Variants in AGAP1 observed in about 807,000 individuals in gnomAD.
AGAP1 encodes ArfGAP with GTPase domain, ankyrin repeat and PH domain 1.
AGAP1 carries 29 observed loss-of-function variants against 105.3 expected under a neutral mutation model. That is an observed-to-expected ratio of 0.28 (90% CI 0.21 to 0.38). The LOEUF (loss-of-function observed/expected upper bound fraction) is 0.38, where lower values mean the gene tolerates loss of function less well. Among genes scored for constraint, AGAP1 ranks in the 10% least tolerant of loss-of-function variants. The pLI, the probability that AGAP1 is intolerant of heterozygous loss-of-function variation, is 1.00. For synonymous variants in AGAP1, 509 were observed against 485.9 expected (o/e 1.05, Z -0.63); for missense variants, 998 against 1,165.1 (o/e 0.86, Z 2.09).
chr2:236,072,320 A>C (rs1329916367), intron 16 of AGAP1: 1 of 152,108 alleles, frequency 6.6e-6, no homozygotes, highest in Non-Finnish European at 1.5e-5. Flanking sequence ...GCGCGCCTGT[A>C]GTCCCAGCTA....
rs1190593066 is a variant in AGAP1, at chr2:236,119,462, C to A, written c.2115-730C>A. Among the ~76,000 whole-genome samples, 3 of 152,184 alleles carry A rather than the reference C, an allele frequency of 2.0e-5. No individual in the cohort carries two copies. Among genetic ancestry groups the A allele is most frequent in the African/African-American group, 7.2e-5 (3 of 41,452 alleles). On this transcript the variant is annotated intron_variant, in intron 16 of 17. Coordinates refer to ENST00000304032, the MANE Select transcript of AGAP1 (RefSeq NM_001037131.3). This position sits in a 1 kb window ranked among gnomAD's most constrained non-coding sequence, Gnocchi z 6.6. ...CGTGAGTCTGTTGCCATGTTTTCCTCAGCTGAAAGGGTTTGGAGACCCTGG... is the reference window on the plus strand; with the variant it reads ...CGTGAGTCTGTTGCCATGTTTTCCTAAGCTGAAAGGGTTTGGAGACCCTGG...
At position 235,741,828 on chromosome 2, in the gene AGAP1, A is replaced by G. The variant is rs1952607472; in HGVS notation, c.396+780A>G. Among the ~76,000 whole-genome samples the G allele has an allele frequency of 2.0e-5, 3 of 151,120 alleles. No individual in the cohort carries two copies. The highest frequency in any genetic ancestry group is 4.9e-5 in the African/African-American group (2 of 41,036). On this transcript the variant is annotated intron_variant, in intron 4 of 17. Transcript: ENST00000304032. The surrounding 1 kb of genome is among the most constrained non-coding windows in gnomAD (Gnocchi z 4.9). ...GAGTGCAGTGACGTGATCTCGGCTCACTACAAGCTCCACCTCCCAGGTTCA... is the reference window on the plus strand; with the variant it reads ...GAGTGCAGTGACGTGATCTCGGCTCGCTACAAGCTCCACCTCCCAGGTTCA...
At chr2:235,878,093 C>T (rs1333317590) in intron 9 of AGAP1, among the ~76,000 whole-genome samples, 1 of 152,192 alleles carries the variant, frequency 6.6e-6, no homozygotes, top group Non-Finnish European at 1.5e-5. Flanking sequence ...ACACTGCTGC[C>T]CCTCAGGGCC....
At chr2:235,924,114 C>A (rs55747393) in intron 11 of AGAP1, among the ~76,000 whole-genome samples, 1 of 151,940 alleles carries the variant, frequency 6.6e-6, no homozygotes, top group African/African-American at 2.4e-5. Flanking sequence ...CCTGTCTCAC[C>A]AGTCTGTTCA....
rs1209248972 is a variant in AGAP1 at position 235,788,029 on chromosome 2, C to T, written c.674-9730C>T. Among the ~76,000 whole-genome samples the T allele has an allele frequency of 1.3e-5, 2 of 152,204 alleles. No homozygotes were observed. ...CAAGTATTATACATTCTGGGACCTTCCTAGGCCATTGGCATCAACGCTGCA... is the reference window on the plus strand; with the variant it reads ...CAAGTATTATACATTCTGGGACCTTTCTAGGCCATTGGCATCAACGCTGCA... On this transcript the variant is annotated intron_variant, in intron 6 of 17. Coordinates refer to ENST00000304032, the MANE Select transcript of AGAP1 (RefSeq NM_001037131.3). This position sits in a 1 kb window ranked among gnomAD's most constrained non-coding sequence, Gnocchi z 6.0.
At position 236,083,874 on chromosome 2, in the gene AGAP1, C is replaced by A. The variant is rs6739183; in HGVS notation, c.2114+34593C>A. ...ATTAAATGAATCCGAGATAAATGGGCATGTGCGTGTGTATGCACACACACG... is the reference window on the plus strand; with the variant it reads ...ATTAAATGAATCCGAGATAAATGGGAATGTGCGTGTGTATGCACACACACG... On this transcript the variant is annotated intron_variant, in intron 16 of 17. Transcript: ENST00000304032. This position sits in a 1 kb window ranked among gnomAD's most constrained non-coding sequence, Gnocchi z 5.3. 0.54 allele frequency among the ~76,000 whole-genome samples: 82,833 copies of A among 151,996 alleles called. 26,474 individuals carry two copies. The highest frequency in any genetic ancestry group is 0.88 in the African/African-American group (36,697 of 41,490).
Position 235,551,920 on chromosome 2 carries a change from G to A in AGAP1, c.163+57071G>A, listed in dbSNP as rs1394703961. Among the ~76,000 whole-genome samples, 1 of 152,230 alleles carries A rather than the reference G, an allele frequency of 6.6e-6. No individual in the cohort carries two copies. The highest frequency in any genetic ancestry group is 6.5e-5 in the Admixed American group (1 of 15,284). Reference sequence around the variant, plus strand: ...CTTTCAGCTGTGAGGAGCCAGGAGGGCGATCCCAGCTTTCTCCTGGTTAAT... The same window carrying A: ...CTTTCAGCTGTGAGGAGCCAGGAGGACGATCCCAGCTTTCTCCTGGTTAAT... On this transcript the variant is annotated intron_variant, in intron 1 of 17. Coordinates refer to ENST00000304032, the MANE Select transcript of AGAP1 (RefSeq NM_001037131.3). The surrounding 1 kb of genome is among the most constrained non-coding windows in gnomAD (Gnocchi z 4.8).
At chr2:235,676,489 A>G (rs1036097198) in intron 1 of AGAP1, among the ~76,000 whole-genome samples, 6 of 152,240 alleles carry the variant, frequency 3.9e-5, no homozygotes, top group Non-Finnish European at 8.8e-5. Flanking sequence ...ACAGAGGGGC[A>G]AATGAGCTGG....
Position 235,879,459 on chromosome 2 carries a change from G to A in AGAP1, c.1051-3886G>A, listed in dbSNP as rs1005440771. ...GGTATTCTGTAGTCCTGCCACTTAC[G>A]CAGCATTTGAATAGTGCCTATAATC... On this transcript the variant is annotated intron_variant, in intron 9 of 17. Transcript: ENST00000304032. This position sits in a 1 kb window ranked among gnomAD's most constrained non-coding sequence, Gnocchi z 5.0. Among the ~76,000 whole-genome samples the A allele has an allele frequency of 3.9e-5, 6 of 152,200 alleles. No homozygotes were observed. Among genetic ancestry groups the A allele is most frequent in the East Asian group, 1.9e-4 (1 of 5,196 alleles).
Position 235,970,975 on chromosome 2 carries a change from A to C in AGAP1, c.1645+2352A>C, listed in dbSNP as rs1575929779. Among the ~76,000 whole-genome samples, 6 of 152,330 alleles carry C rather than the reference A, an allele frequency of 3.9e-5. No individual in the cohort carries two copies. The South Asian group carries it at 1.2e-3, about 32-fold the overall frequency. The stretch of plus-strand genomic sequence containing the variant: ...CTGCTGAGGTGGTAACACCAGCAGA[A>C]AGATTTCAGGCACCATGGAAACTCC... On this transcript the variant is annotated intron_variant, in intron 13 of 17. Transcript: ENST00000304032. The surrounding 1 kb of genome is among the most constrained non-coding windows in gnomAD (Gnocchi z 5.4).
At chr2:235,560,895 C>T (rs975141692) in intron 1 of AGAP1, among the ~76,000 whole-genome samples, 13 of 152,194 alleles carry the variant, frequency 8.5e-5, no homozygotes, top group African/African-American at 3.1e-4. Context: ...TCCACTAGGC[C>T]AAGCGATGCT....
intron 9 of AGAP1, among the ~76,000 whole-genome samples, chr2:235,846,097 A>G (rs1178515572): frequency 6.6e-6 from 1 of 152,210 alleles, no homozygotes; most frequent in Non-Finnish European, 1.5e-5. Context: ...CTGAGATTGT[A>G]TATTTAGATG....
Position 235,845,350 on chromosome 2 carries a change from C to T in AGAP1, c.1051-37995C>T, listed in dbSNP as rs1961344683. Among the ~76,000 whole-genome samples the T allele has an allele frequency of 6.6e-6, 1 of 152,106 alleles. No homozygotes were observed. The highest frequency in any genetic ancestry group is 1.5e-5 in the Non-Finnish European group (1 of 68,002). ...CTCAGGGGACCCCCAGAGCAAAATC[C>T]AACACCATGCTGGCTTCTGGGAGTG... On this transcript the variant is annotated intron_variant, in intron 9 of 17. Transcript: ENST00000304032. The surrounding 1 kb of genome is among the most constrained non-coding windows in gnomAD (Gnocchi z 4.8).
At chr2:235,854,662 T>G (rs1208856866) in intron 9 of AGAP1, among the ~76,000 whole-genome samples, 1 of 152,224 alleles carries the variant, frequency 6.6e-6, no homozygotes, top group African/African-American at 2.4e-5. Flanking sequence ...CTTGGGGATG[T>G]TTCTTACTCT....
Position 236,014,944 on chromosome 2 carries a change from C to T in AGAP1, c.1646-21617C>T, listed in dbSNP as rs1432495535. The T allele has an allele frequency of 1.5e-5, 5 of 331,246 alleles. No individual in the cohort carries two copies. Among genetic ancestry groups the T allele is most frequent in the Non-Finnish European group, 2.5e-5 (4 of 160,234 alleles). 20.5% of individuals were successfully genotyped at this position (331,246 alleles called of 1,614,324 possible). A position where few individuals can be genotyped will look rare whatever the true frequency, so the allele number is the denominator to read the frequency against. On this transcript the variant is annotated intron_variant, in intron 13 of 17. Coordinates refer to ENST00000304032, the MANE Select transcript of AGAP1 (RefSeq NM_001037131.3). The surrounding 1 kb of genome is among the most constrained non-coding windows in gnomAD (Gnocchi z 6.3). ...GCCTCTTCCCCTCTCATCCCCTGCC[C>T]GCCCCTTCCTTTCCAACACAGGCAT...
intron 12 of AGAP1, among the ~76,000 whole-genome samples, chr2:235,966,588 C>T (rs1009344890): frequency 6.6e-6 from 1 of 152,152 alleles, no homozygotes; most frequent in African/African-American, 2.4e-5. Flanking sequence ...TTTCTCGCAA[C>T]TCCTTAAAGT....
In AGAP1 at chr2:235,689,901, CT is replaced by C. The variant is rs1411216179; in HGVS notation, c.164-19277del. ...CTGTGTGCATGATGCACTTCAGAAC[CT>C]ATAGTGTCATTTGTGGTATTTTTTT... On this transcript the variant is annotated intron_variant, in intron 1 of 17. Coordinates refer to ENST00000304032, the MANE Select transcript of AGAP1 (RefSeq NM_001037131.3). This position sits in a 1 kb window ranked among gnomAD's most constrained non-coding sequence, Gnocchi z 4.2. 6.6e-6 allele frequency among the ~76,000 whole-genome samples: 1 copy of C among 152,134 alleles called. No individual in the cohort carries two copies. Among genetic ancestry groups the C allele is most frequent in the Non-Finnish European group, 1.5e-5 (1 of 68,034 alleles).
At chr2:235,542,175 A>G (rs1482307524) in intron 1 of AGAP1, among the ~76,000 whole-genome samples, 4 of 151,538 alleles carry the variant, frequency 2.6e-5, no homozygotes, top group African/African-American at 9.7e-5. Flanking sequence ...TGGACTTCAG[A>G]GCAAGACCTA....
intron 1 of AGAP1, among the ~76,000 whole-genome samples, chr2:235,570,915 TG>T (rs1240425138): frequency 1.3e-5 from 2 of 152,226 alleles, no homozygotes; most frequent in African/African-American, 4.8e-5. Context: ...TACCTGAGAC[TG>T]GGTAATTTAT....
Sources: allele counts gnomAD v4.1 joint callset (sites outside exome capture counted in the v4.1 genomes callset), GRCh38; gene constraint gnomAD v4.1.1; non-coding constraint Gnocchi (gnomAD v3.1); transcripts MANE v1.5; gene names NCBI Gene and HGNC (gene_info 2026-07-23, HGNC 2026-07-21).